Variants in ARFGAP3 observed in about 807,000 individuals in gnomAD.
ARFGAP3 encodes ADP-ribosylation factor GTPase-activating protein 3.
A neutral mutation model predicts 75.0 loss-of-function variants in ARFGAP3; 72 were observed. The ratio of observed to expected loss-of-function variants is 0.96; its 90% CI spans 0.79 to 1.17. ARFGAP3 has a LOEUF of 1.17. Ranked by LOEUF, ARFGAP3 falls within the 50% of genes most tolerant of loss-of-function variation. The pLI is 0.00. For synonymous variants in ARFGAP3, 221 were observed against 217.9 expected, an observed-to-expected ratio of 1.01 and a Z score of -0.13; for missense variants, 620 against 626.6, an observed-to-expected ratio of 0.99 and a Z score of 0.11.
chr22:42,838,978 C>T (rs1381162591), intron 3 of ARFGAP3, among the ~76,000 whole-genome samples: 4 of 151,348 alleles, frequency 2.6e-5, no homozygotes, highest in Non-Finnish European at 5.9e-5. Context: ...GGTGTGGTGG[C>T]GGGCGCCTGT....
chr22:42,803,116 C>T (rs956152171), intron 14 of ARFGAP3, among the ~76,000 whole-genome samples: 1 of 152,198 alleles, frequency 6.6e-6, no homozygotes, highest in Non-Finnish European at 1.5e-5. Flanking sequence ...CTGCCTTAGC[C>T]TCCGAGTAAT....
chr22:42,845,297 G>A (rs1383136286), intron 2 of ARFGAP3, among the ~76,000 whole-genome samples: 1 of 149,306 alleles, frequency 6.7e-6, no homozygotes, highest in African/African-American at 2.4e-5. Flanking sequence ...GGCCGAGGCG[G>A]GCAGATCACC....
intron 14 of ARFGAP3, among the ~76,000 whole-genome samples, chr22:42,806,791 T>C (rs191510065): frequency 3.7e-4 from 57 of 152,320 alleles, no homozygotes; most frequent in African/African-American, 1.3e-3. Flanking sequence ...GCACATGGTA[T>C]TTCATAGCAC....
At chr22:42,834,185 C>T in intron 5 of ARFGAP3, 57 bp downstream of exon 5, 2 of 1,509,942 alleles carry the variant, frequency 1.3e-6, no homozygotes, top group African/African-American at 1.4e-5. Flanking sequence ...AAATATGCAC[C>T]TTTTGTTAAC....
intron 2 of ARFGAP3, among the ~76,000 whole-genome samples, chr22:42,845,045 TG>T (rs2146580915): frequency 6.6e-6 from 1 of 152,204 alleles, no homozygotes; most frequent in South Asian, 2.1e-4. Context: ...TGGCTTAAAC[TG>T]GAAGTATTCT....
At chr22:42,818,252 C>T (rs1569146646) in intron 9 of ARFGAP3, among the ~76,000 whole-genome samples, 1 of 151,588 alleles carries the variant, frequency 6.6e-6, no homozygotes, top group African/African-American at 2.4e-5. Context: ...ACTAGTCTAT[C>T]TTGATTTAAG....
Position 42,835,316 on chromosome 22 carries a change from A to C in ARFGAP3, c.393+46T>G, listed in dbSNP as rs575872494. ...AGGATAAAAATCACTTTTTCTATGA[A>C]GTGAACATGTATCTAAAGGAAACAA... On this transcript the variant is annotated intron_variant, in intron 4 of 15. Transcript: ENST00000263245. The C allele has an allele frequency of 5.4e-5, 86 of 1,588,680 alleles. 1 individual carries two copies. The East Asian group carries it at 1.7e-3, about 31-fold the overall frequency.
intron 2 of ARFGAP3, among the ~76,000 whole-genome samples, chr22:42,845,349 ACT>A (rs1926965666): frequency 6.6e-6 from 1 of 151,662 alleles, no homozygotes; most frequent in Non-Finnish European, 1.5e-5. Flanking sequence ...ACACGGCGAA[ACT>A]CTGTCTCTAC....
chr22:42,798,061 T>TA (rs1924684243), intron 15 of ARFGAP3, among the ~76,000 whole-genome samples: 1 of 152,174 alleles, frequency 6.6e-6, no homozygotes, highest in African/African-American at 2.4e-5. Context: ...AATGGGGATA[T>TA]AAAAGGGAGC....
intron 11 of ARFGAP3, among the ~76,000 whole-genome samples, chr22:42,815,533 A>T (rs1925539773): frequency 6.6e-6 from 1 of 152,092 alleles, no homozygotes; most frequent in South Asian, 2.1e-4. Context: ...ATAGGAAAAT[A>T]TACAATTTCA....
rs182336707 is a variant in ARFGAP3 at position 42,827,930 on chromosome 22, C to T, written c.566-931G>A. Among the ~76,000 whole-genome samples, 417 of 152,180 alleles carry T rather than the reference C, an allele frequency of 2.7e-3. 1 individual carries two copies. Among genetic ancestry groups the T allele is most frequent in the African/African-American group, 9.5e-3 (395 of 41,538 alleles). On this transcript the variant is annotated intron_variant, in intron 6 of 15. Transcript: ENST00000263245. Reference sequence around the variant, plus strand: ...AAAGTGTTGGTATTACAGGCGTGAGCTACCGCGCCCAACCATACTTTGTTA... The same window carrying T: ...AAAGTGTTGGTATTACAGGCGTGAGTTACCGCGCCCAACCATACTTTGTTA...
chr22:42,839,405 C>T (rs1028663139), intron 3 of ARFGAP3, among the ~76,000 whole-genome samples: 1 of 151,818 alleles, frequency 6.6e-6, no homozygotes, highest in African/African-American at 2.4e-5. Flanking sequence ...TTGAGACCAG[C>T]TCGGCCAACA....
Position 42,807,076 on chromosome 22 carries a change from C to T in ARFGAP3, c.1408G>A (p.Ala470Thr). ...DLFEEPRKQPAGNYSLSSVLP... is the reference protein window; with the variant it reads ...DLFEEPRKQPTGNYSLSSVLP... The stretch of plus-strand genomic sequence containing the variant: ...GCTCTTGTTCAGTGCCCCCTACCTG[C>T]TGGCTGCTTCCTCGGCTCCTCGAAC... Residue 470 changes from alanine to threonine, a missense_variant, in exon 14 of 16, where the codon GCA becomes ACA. By Grantham distance (58) the Ala-to-Thr change is moderately conservative (BLOSUM62 0). Coordinates refer to ENST00000263245, the MANE Select transcript of ARFGAP3 (RefSeq NM_014570.5). 1.2e-6 allele frequency: 2 copies of T among 1,609,704 alleles called. No homozygotes were observed. The highest frequency in any genetic ancestry group is 1.7e-6 in the Non-Finnish European group (2 of 1,178,138).
In ARFGAP3 at chr22:42,844,091, GGAGGGGAAGAA is replaced by G. The variant is rs1197287875; in HGVS notation, c.189-3086_189-3076del. Among the ~76,000 whole-genome samples, 3 of 152,328 alleles carry G rather than the reference GGAGGGGAAGAA, an allele frequency of 2.0e-5. No homozygotes were observed. In the East Asian group the frequency reaches 5.8e-4, roughly 29 times the overall value. On this transcript the variant is annotated intron_variant, in intron 2 of 15. Transcript: ENST00000263245. The stretch of plus-strand genomic sequence containing the variant: ...GTGCATGTGTGTGTGTCTGGCAGTG[GGAGGGGAAGAA>G]GAGGGGAAAAGTATTCTAGAGGAGA...
intron 4 of ARFGAP3, 27 bp downstream of exon 4, chr22:42,835,335 G>A (rs771484506): frequency 5.0e-6 from 8 of 1,609,168 alleles, no homozygotes; most frequent in Non-Finnish European, 6.8e-6. Context: ...GTATCTAAAG[G>A]AAACAATCCA....
intron 1 of ARFGAP3, among the ~76,000 whole-genome samples, chr22:42,847,984 C>A (rs1927097128): frequency 6.6e-6 from 1 of 151,360 alleles, no homozygotes; most frequent in Non-Finnish European, 1.5e-5. Context: ...CCTGCCTCAG[C>A]CTCCGGAGTA....
At chr22:42,817,895 A>G in intron 9 of ARFGAP3, 38 bp from the exon 10 acceptor site, 1 of 1,514,164 alleles carries the variant, frequency 6.6e-7, no homozygotes, top group Non-Finnish European at 8.9e-7. Context: ...TTTAGCTTTA[A>G]TCCTTTGTTC....
chr22:42,807,298 C>T, intron 13 of ARFGAP3, 135 bp from the exon 14 acceptor site: 2 of 1,441,246 alleles, frequency 1.4e-6, no homozygotes, highest in Non-Finnish European at 1.8e-6. Flanking sequence ...CTGAATGCCA[C>T]TGCCAAGGCC....
chr22:42,805,688 T>C (rs1456746096), intron 14 of ARFGAP3, among the ~76,000 whole-genome samples: 2 of 152,170 alleles, frequency 1.3e-5, no homozygotes. Flanking sequence ...TGCTCAAGTC[T>C]GGGGTGAGGC....
Sources: allele counts gnomAD v4.1 joint callset (sites outside exome capture counted in the v4.1 genomes callset), GRCh38; gene constraint gnomAD v4.1.1; transcripts MANE v1.5; gene names NCBI Gene and HGNC (gene_info 2026-07-23, HGNC 2026-07-21).